The following SF3A1 variants were observed in gnomAD, a reference collection of about 807,000 sequenced individuals.
The protein encoded by SF3A1 is SAP 114.
A neutral mutation model predicts 89.9 loss-of-function variants in SF3A1; 13 were observed. The ratio of observed to expected loss-of-function variants is 0.14; its 90% confidence interval spans 0.09 to 0.23. SF3A1 has a LOEUF of 0.23. SF3A1 is among the 10% of genes least tolerant of loss of function. The pLI, the probability that SF3A1 is intolerant of heterozygous loss-of-function variation, is 1.00. For synonymous variants in SF3A1, 405 were observed against 374.4 expected, an observed-to-expected ratio of 1.08 and a Z score of -0.94; for missense variants, 604 against 1,022.1, an observed-to-expected ratio of 0.59 and a Z score of 5.58.
At chr22:30,342,921 A>G in intron 4 of SF3A1, 42 bp from the exon 5 acceptor site, 1 of 1,335,428 alleles carries the variant, frequency 7.5e-7, no homozygotes, top group Non-Finnish European at 1.1e-6. Flanking sequence ...GTGCTTTACA[A>G]CGCAGTACAA....
intron 1 of SF3A1, among the ~76,000 whole-genome samples, chr22:30,356,483 G>A (rs1451182025): frequency 6.6e-6 from 1 of 152,260 alleles, no homozygotes; most frequent in Admixed American, 6.5e-5. Context: ...ATCTACGGCG[G>A]AGACTCCACA....
intron 1 of SF3A1, among the ~76,000 whole-genome samples, chr22:30,354,072 T>C (rs1931684402): frequency 6.6e-6 from 1 of 152,230 alleles, no homozygotes; most frequent in Non-Finnish European, 1.5e-5. Context: ...AAGTGTTTTG[T>C]GAAATTCCAC....
intron 1 of SF3A1, 92 bp downstream of exon 1, chr22:30,356,638 C>T: frequency 9.8e-7 from 1 of 1,020,114 alleles, no homozygotes; most frequent in Non-Finnish European, 1.3e-6. Flanking sequence ...TCCCTCCAAG[C>T]CCTTCATAGC....
At position 30,340,774 on chromosome 22, in the gene SF3A1, T is replaced by G. The variant is rs1312104958; in HGVS notation, c.1110A>C (p.Pro370=). The change falls in exon 8 of 16, where the codon CCA becomes CCC. Residue 370 remains proline, a synonymous_variant. Coordinates refer to ENST00000215793, the MANE Select transcript of SF3A1 (RefSeq NM_005877.6). ...GTGGAGGCATGGGTGTCTCTGGGGG[T>G]GGGGGCACTTTCTGCCCTTCTTCTT... ...DDEEEGQKVP[P]PPETPMPPPL... 5 of 1,587,842 alleles carry G rather than the reference T, an allele frequency of 3.1e-6. No homozygotes were observed. Among genetic ancestry groups the G allele is most frequent in the Non-Finnish European group, 4.3e-6 (5 of 1,166,434 alleles).
rs1395258390 is a variant in SF3A1 at position 30,344,975 on chromosome 22, G to A, written c.609C>T (p.Ser203=). 3 of 1,614,198 alleles carry A rather than the reference G, an allele frequency of 1.9e-6. No homozygotes were observed. The highest frequency in any genetic ancestry group is 8.5e-7 in the Non-Finnish European group (1 of 1,180,038). Residue 203 remains serine (S), a synonymous_variant, in exon 4 of 16, where the codon AGC becomes AGT. Transcript: ENST00000215793. ...YQFDFLRPQH[S]LFNYFTKLVE... is the part of the protein sequence containing the mutation. ...CTAGCTTCGTGAAGTAGTTGAAGAG[G>A]CTGTGCTGTGGGCGGAGAAAGTCAA...
intron 5 of SF3A1, chr22:30,342,562 T>G: frequency 1.6e-6 from 1 of 637,192 alleles, no homozygotes. Flanking sequence ...GGAGCTGGCC[T>G]TCTGTCTTCT....
At chr22:30,350,917 A>C (rs1931572200) in intron 2 of SF3A1, among the ~76,000 whole-genome samples, 1 of 152,272 alleles carries the variant, frequency 6.6e-6, no homozygotes, top group Non-Finnish European at 1.5e-5. Flanking sequence ...TGTTCAATCA[A>C]GCACAGAGAA....
In SF3A1 at chr22:30,356,867, G is replaced by A; in HGVS notation, c.-75C>T. Reference sequence around the variant, plus strand: ...CCGCCTCAAGACAGCCTCCCCGCTCGGTCAGTACGACGAGCTCGCAAGATG... The same window carrying A: ...CCGCCTCAAGACAGCCTCCCCGCTCAGTCAGTACGACGAGCTCGCAAGATG... On this transcript the variant is annotated 5_prime_UTR_variant, in exon 1 of 16. Coordinates refer to ENST00000215793, the MANE Select transcript of SF3A1 (RefSeq NM_005877.6). 7 of 1,213,248 alleles carry A rather than the reference G, an allele frequency of 5.8e-6. No individual in the cohort carries two copies. Among genetic ancestry groups the A allele is most frequent in the Non-Finnish European group, 7.3e-6 (7 of 953,884 alleles). 75.2% of individuals were successfully genotyped at this position (1,213,248 alleles called of 1,614,324 possible).
In SF3A1 at chr22:30,356,762, G is replaced by C. The variant is rs762353088; in HGVS notation, c.31C>G (p.Pro11Ala). Residue 11 changes from proline (P) to alanine (A), a missense_variant, in exon 1 of 16, where the codon CCG (proline) becomes GCG (alanine). Transcript: ENST00000215793. MPAGPVQAVPPPPPVPTEPKQ... is the reference protein window; with the variant it reads MPAGPVQAVPAPPPVPTEPKQ... Reference sequence around the variant, plus strand: ...GGCTCCGTGGGCACGGGCGGCGGCGGGGGCACCGCCTGCACGGGTCCGGCC... The same window carrying C: ...GGCTCCGTGGGCACGGGCGGCGGCGCGGGCACCGCCTGCACGGGTCCGGCC... The C allele has an allele frequency of 2.0e-6, 3 of 1,482,986 alleles. No individual in the cohort carries two copies. The highest frequency in any genetic ancestry group is 2.2e-5 in the Admixed American group (1 of 45,202). 91.9% of individuals were successfully genotyped at this position (1,482,986 alleles called of 1,614,324 possible).
intron 6 of SF3A1, 75 bp downstream of exon 6, chr22:30,342,125 G>A (rs541845245): frequency 1.9e-6 from 3 of 1,541,338 alleles, no homozygotes; most frequent in East Asian, 4.5e-5. Flanking sequence ...CTGCTCTCTG[G>A]GAACACCTGC....
At chr22:30,346,255 C>T (rs1931414981) in intron 3 of SF3A1, 57 bp downstream of exon 3, 2 of 1,174,710 alleles carry the variant, frequency 1.7e-6, no homozygotes, top group Non-Finnish European at 2.5e-6. Flanking sequence ...TACTCCCTCC[C>T]TATCCCTGTT....
At chr22:30,342,518 G>A (rs1931291701) in intron 5 of SF3A1, 168 bp from the exon 6 acceptor site, 1 of 754,366 alleles carries the variant, frequency 1.3e-6, no homozygotes, top group Non-Finnish European at 2.1e-6. Flanking sequence ...GCAGAGTTGG[G>A]ACAGAATGAA....
At chr22:30,352,644 C>G (rs1931637420) in intron 2 of SF3A1, 1 of 237,268 alleles carries the variant, frequency 4.2e-6, no homozygotes, top group Non-Finnish European at 8.3e-6. Flanking sequence ...CTTCCTCAGG[C>G]CAGCAGCTCA....
At chr22:30,336,686 A>G (rs1370237168) in intron 13 of SF3A1, among the ~76,000 whole-genome samples, 3 of 152,094 alleles carry the variant, frequency 2.0e-5, no homozygotes, top group Non-Finnish European at 4.4e-5. Context: ...AACACCACAC[A>G]CAATTTCCTC....
chr22:30,334,503 G>T lies in SF3A1; in HGVS notation c.*91C>A. ...AGAGCGAAACAAATATGCAGGCAAG[G>T]CAAAGCCTCAGGGGGGCTCCTGGGT... On this transcript the variant is annotated 3_prime_UTR_variant, in exon 16 of 16. Transcript: ENST00000215793. 1.3e-6 allele frequency: 1 copy of T among 752,630 alleles called. No individual in the cohort carries two copies. The highest frequency in any genetic ancestry group is 2.9e-5 in the East Asian group (1 of 34,832). 46.6% of individuals were successfully genotyped at this position (752,630 alleles called of 1,614,324 possible). A position where few individuals can be genotyped will look rare whatever the true frequency, so the allele number is the denominator to read the frequency against.
intron 11 of SF3A1, 77 bp from the exon 12 acceptor site, chr22:30,337,974 G>T: frequency 2.0e-6 from 2 of 1,015,950 alleles, no homozygotes; most frequent in Non-Finnish European, 3.1e-6. Flanking sequence ...GCAACTGGCT[G>T]CCTGCAGCTC....
rs1931008916 is a variant in SF3A1, at chr22:30,334,537, G to A, written c.*57C>T. 2 of 1,123,028 alleles carry A rather than the reference G, an allele frequency of 1.8e-6. No individual in the cohort carries two copies. Among genetic ancestry groups the A allele is most frequent in the Admixed American group, 2.6e-5 (1 of 39,098 alleles). The allele number at this position is 1,123,028 out of a possible 1,614,324, so 69.6% of individuals were successfully genotyped here. A position where few individuals can be genotyped will look rare whatever the true frequency, so the allele number is the denominator to read the frequency against. ...CAGGGGGGCTCCTGGGTCTGGGGCAGGGGGTGGGAGACAGGAGAGGCAAAA... is the reference window on the plus strand; with the variant it reads ...CAGGGGGGCTCCTGGGTCTGGGGCAAGGGGTGGGAGACAGGAGAGGCAAAA... On this transcript the variant is annotated 3_prime_UTR_variant, in exon 16 of 16. Coordinates refer to ENST00000215793, the MANE Select transcript of SF3A1 (RefSeq NM_005877.6).
At chr22:30,344,912 A>AGCCCCATCCT in intron 4 of SF3A1, 21 bp downstream of exon 4, 1 of 1,609,590 alleles carries the variant, frequency 6.2e-7, no homozygotes, top group African/African-American at 1.3e-5. Context: ...CCAGGACCCC[A>AGCCCCATCCT]GCCCCATCCT....
In SF3A1 at chr22:30,334,425, A is replaced by C; in HGVS notation, c.*169T>G. 2.0e-6 allele frequency: 1 copy of C among 511,574 alleles called. No individual in the cohort carries two copies. Among genetic ancestry groups the C allele is most frequent in the South Asian group, 2.8e-5 (1 of 36,336 alleles). The allele number at this position is 511,574 out of a possible 1,614,324, so 31.7% of individuals were successfully genotyped here. On this transcript the variant is annotated 3_prime_UTR_variant, in exon 16 of 16. Transcript: ENST00000215793. ...CCAGCTACTCTTACCAATGTGGGGAAAGGGTCAGGGGAATGAACCTCTGCA... is the reference window on the plus strand; with the variant it reads ...CCAGCTACTCTTACCAATGTGGGGACAGGGTCAGGGGAATGAACCTCTGCA...
Sources: gnomAD v4.1 joint callset for allele counts (sites outside exome capture counted in the v4.1 genomes callset) on GRCh38, gnomAD v4.1.1 for gene constraint, MANE v1.5 for transcripts, NCBI Gene and HGNC (gene_info 2026-07-23, HGNC 2026-07-21) for gene names.